KHDRBS2: variants seen among roughly 807,000 people sequenced by gnomAD.
KHDRBS2 encodes the protein KH domain-containing, RNA-binding, signal transduction-associated protein 2.
Under a neutral mutation model 44.3 loss-of-function variants are expected in KHDRBS2, and 26 were observed. The observed-to-expected ratio is 0.59, with a 90% CI of 0.43 to 0.81. The LOEUF is 0.81. Ranked by LOEUF, KHDRBS2 falls within the 40% of genes least tolerant of loss-of-function variation. The pLI, the probability that KHDRBS2 is intolerant of heterozygous loss-of-function variation, is 0.00. For missense variants in KHDRBS2, 476 were observed against 433.1 expected, an observed-to-expected ratio of 1.10 and a Z score of -0.88; for synonymous variants, 194 against 151.1, an observed-to-expected ratio of 1.28 and a Z score of -2.08.
At chr6:62,230,530 T>A (rs1359209946) in intron 1 of KHDRBS2, among the ~76,000 whole-genome samples, 1 of 152,192 alleles carries the variant, frequency 6.6e-6, no homozygotes, top group Non-Finnish European at 1.5e-5. Flanking sequence ...TCACAGAAGT[T>A]AGAGCCCCAC....
intron 2 of KHDRBS2, among the ~76,000 whole-genome samples, chr6:62,170,722 G>A (rs1585046951): frequency 1.3e-5 from 2 of 152,096 alleles, no homozygotes; most frequent in South Asian, 4.2e-4. Context: ...AACAGTTGTG[G>A]CCACAAACCA....
At chr6:62,252,059 T>G (rs1242837995) in intron 1 of KHDRBS2, among the ~76,000 whole-genome samples, 1 of 151,870 alleles carries the variant, frequency 6.6e-6, no homozygotes, top group Non-Finnish European at 1.5e-5. Context: ...ATAATAATAT[T>G]TATTGACTAA....
chr6:62,156,892 A>C (rs1323749352), intron 2 of KHDRBS2, among the ~76,000 whole-genome samples: 3 of 135,184 alleles, frequency 2.2e-5, no homozygotes, highest in Non-Finnish European at 4.7e-5. Context: ...TCACCGTGTT[A>C]GCCAGGATGG....
rs1158885821 is a variant in KHDRBS2 at position 62,226,909 on chromosome 6, C to T, written c.92-49597G>A. On this transcript the variant is annotated intron_variant, in intron 1 of 8. Transcript: ENST00000281156. ...TGTCAGTTTTGGTTCTAGTACCATGCTATTTTGGTTACTGTACCATTGTAG... is the reference window on the plus strand; with the variant it reads ...TGTCAGTTTTGGTTCTAGTACCATGTTATTTTGGTTACTGTACCATTGTAG... Among the ~76,000 whole-genome samples the T allele has an allele frequency of 3.3e-5, 5 of 152,122 alleles. No homozygotes were observed. The South Asian group carries it at 1.0e-3, about 32-fold the overall frequency.
intron 3 of KHDRBS2, among the ~76,000 whole-genome samples, chr6:62,019,442 G>A (rs1479203742): frequency 6.6e-6 from 1 of 151,896 alleles, no homozygotes; most frequent in African/African-American, 2.4e-5. Flanking sequence ...TTTGGTATCA[G>A]GGCAATGCTG....
chr6:61,546,873 A>G, the KHDRBS2 span, among the ~76,000 whole-genome samples: 20 of 152,122 alleles, frequency 1.3e-4, no homozygotes, highest in Non-Finnish European at 2.5e-4. Context: ...TTTCTGTTTT[A>G]CAATAATTTG....
At chr6:62,229,736 G>C (rs969171207) in intron 1 of KHDRBS2, among the ~76,000 whole-genome samples, 4 of 152,090 alleles carry the variant, frequency 2.6e-5, no homozygotes, top group Non-Finnish European at 5.9e-5. Context: ...TCACTTGGCT[G>C]GGGGGTAGGG....
intron 4 of KHDRBS2, among the ~76,000 whole-genome samples, chr6:61,914,786 C>G (rs555905808): frequency 3.1e-4 from 47 of 152,158 alleles, no homozygotes; most frequent in African/African-American, 1.1e-3. Context: ...CATGAATAAT[C>G]TTGCTTAGGA....
chr6:62,065,663 T>C (rs1291811690), intron 2 of KHDRBS2, among the ~76,000 whole-genome samples: 2 of 141,126 alleles, frequency 1.4e-5, no homozygotes, highest in African/African-American at 2.6e-5. Flanking sequence ...GGGATAGCAT[T>C]GGGAGATATA....
intron 1 of KHDRBS2, among the ~76,000 whole-genome samples, chr6:62,216,210 C>G (rs137946758): frequency 6.6e-6 from 1 of 151,566 alleles, no homozygotes; most frequent in Non-Finnish European, 1.5e-5. Flanking sequence ...CAAGAAAACT[C>G]GCTTTCAAGG....
chr6:62,033,703 C>A lies in KHDRBS2; in HGVS notation c.336+14175G>T, dbSNP rs184020246. Among the ~76,000 whole-genome samples, 206 of 150,272 alleles carry A rather than the reference C, an allele frequency of 1.4e-3. 1 individual carries two copies. The highest frequency in any genetic ancestry group is 4.8e-3 in the African/African-American group (196 of 40,992). Reference sequence around the variant, plus strand: ...ATTATATATGCCATATATATATATGCAAACATGAAGGAGAAATAACAACTT... The same window carrying A: ...ATTATATATGCCATATATATATATGAAAACATGAAGGAGAAATAACAACTT... On this transcript the variant is annotated intron_variant, in intron 3 of 8. Coordinates refer to ENST00000281156, the MANE Select transcript of KHDRBS2 (RefSeq NM_152688.4).
intron 4 of KHDRBS2, among the ~76,000 whole-genome samples, chr6:61,964,830 C>A (rs1769546635): frequency 6.6e-6 from 1 of 152,026 alleles, no homozygotes; most frequent in Non-Finnish European, 1.5e-5. Context: ...AAACAGATTT[C>A]CACACAGGTG....
chr6:61,781,998 G>A (rs987590500), intron 6 of KHDRBS2, among the ~76,000 whole-genome samples: 1 of 152,134 alleles, frequency 6.6e-6, no homozygotes, highest in Admixed American at 6.6e-5. Flanking sequence ...ACTCCAGGTA[G>A]GGAATTTTGG....
chr6:62,107,785 T>C (rs1332112226), intron 2 of KHDRBS2, among the ~76,000 whole-genome samples: 1 of 151,994 alleles, frequency 6.6e-6, no homozygotes, highest in Non-Finnish European at 1.5e-5. Context: ...TCAGAAATAA[T>C]GCCGCATATC....
In KHDRBS2 at chr6:61,980,593, GC is replaced by G. The variant is rs1367290768; in HGVS notation, c.337-2382del. 1.0e-3 allele frequency among the ~76,000 whole-genome samples: 154 copies of G among 152,216 alleles called. 1 individual carries two copies. Among genetic ancestry groups the G allele is most frequent in the African/African-American group, 3.6e-3 (148 of 41,544 alleles). Reference sequence around the variant, plus strand: ...TGTGATCTGAGGGATCAAAATTGATGCCCATTTATCAAACAAGATGGGCCTA... The same window carrying G: ...TGTGATCTGAGGGATCAAAATTGATGCCATTTATCAAACAAGATGGGCCTA... On this transcript the variant is annotated intron_variant, in intron 3 of 8. Transcript: ENST00000281156.
In KHDRBS2 at chr6:61,954,495, G is replaced by GCATAATATA. The variant is rs1210467692; in HGVS notation, c.483+23570_483+23571insTATATTATG. ...TGTGTATATACACATGCGTATGTAT[G>GCATAATATA]TATGCATAATATATATGAATATATA... On this transcript the variant is annotated intron_variant, in intron 4 of 8. Coordinates refer to ENST00000281156, the MANE Select transcript of KHDRBS2 (RefSeq NM_152688.4). 2.5e-3 allele frequency among the ~76,000 whole-genome samples: 323 copies of GCATAATATA among 129,950 alleles called. 5 individuals carry two copies. Among genetic ancestry groups the GCATAATATA allele is most frequent in the Non-Finnish European group, 4.1e-3 (253 of 61,998 alleles). 85.3% of individuals were successfully genotyped at this position (129,950 alleles called of 152,430 possible).
At chr6:61,550,766 C>CTTTTTTTTT in the KHDRBS2 span, among the ~76,000 whole-genome samples, 9 of 117,032 alleles carry the variant, frequency 7.7e-5, no homozygotes, top group African/African-American at 1.7e-4. Context: ...GAGATGGTAT[C>CTTTTTTTTT]TTTTTTTTTT....
At chr6:61,985,500 G>A (rs200277236) in intron 3 of KHDRBS2, among the ~76,000 whole-genome samples, 13 of 152,202 alleles carry the variant, frequency 8.5e-5, no homozygotes, top group East Asian at 7.7e-4. Context: ...TACTTCGTAC[G>A]CAAAAGAAGA....
chr6:61,995,861 T>A (rs558682130), intron 3 of KHDRBS2, among the ~76,000 whole-genome samples: 3 of 152,368 alleles, frequency 2.0e-5, no homozygotes, highest in South Asian at 2.1e-4. Flanking sequence ...TGTAAATAGA[T>A]GCCTTAAATT....
Sources: gnomAD v4.1 joint callset for allele counts (sites outside exome capture counted in the v4.1 genomes callset) on GRCh38, gnomAD v4.1.1 for gene constraint, MANE v1.5 for transcripts, NCBI Gene and HGNC (gene_info 2026-07-23, HGNC 2026-07-21) for gene names.